The following IL13RA2 variants were observed in gnomAD, a reference collection of about 807,000 sequenced individuals.
IL13RA2 encodes the protein interleukin-13 receptor subunit alpha-2.
IL13RA2 carries 25 observed loss-of-function variants against 34.1 expected under a neutral mutation model. That is an observed-to-expected ratio of 0.73 (90% CI 0.53 to 1.03). IL13RA2 has a LOEUF of 1.03. IL13RA2 is among the 50% of genes least tolerant of loss of function. The pLI is 0.00. For synonymous variants in IL13RA2, 106 were observed against 100.4 expected (o/e 1.06, Z -0.33); for missense variants, 297 against 280.9 (o/e 1.06, Z -0.41).
At chrX:115,006,182 A>G (rs911116568) in intron 8 of IL13RA2, among the ~76,000 whole-genome samples, 1 of 112,276 alleles carries the variant, frequency 8.9e-6, no homozygotes, top group Non-Finnish European at 1.9e-5. Flanking sequence ...TGCAAAATTA[A>G]CAGTGGGAAG....
At chrX:115,009,181 G>T (rs182695081) in intron 7 of IL13RA2, among the ~76,000 whole-genome samples, 1 of 107,548 alleles carries the variant, frequency 9.3e-6, no homozygotes, top group Admixed American at 9.9e-5. Context: ...CCTGATGGTT[G>T]TTCCTCAATA....
Position 115,013,761 on chromosome X carries a change from A to G in IL13RA2, c.521+8T>C. On this transcript the variant is annotated splice_region_variant and intron_variant, in intron 5 of 9. Coordinates refer to ENST00000243213, the MANE Select transcript of IL13RA2 (RefSeq NM_000640.3). ...TTAATATGGAATTCTAATTATAAAA[A>G]TACTTACCAGTAAAACAAGTTGTAA... is the stretch of plus-strand genomic sequence containing the variant. The G allele has an allele frequency of 2.0e-6, 2 of 999,500 alleles. No homozygotes were observed. The highest frequency in any genetic ancestry group is 2.8e-6 in the Non-Finnish European group (2 of 712,543). 82.4% of individuals were successfully genotyped at this position (999,500 alleles called of 1,213,427 possible).
chrX:115,015,866 G>T lies in IL13RA2; in HGVS notation c.95-45C>A, dbSNP rs1556509867. 4.4e-6 allele frequency: 4 copies of T among 901,001 alleles called. No individual in the cohort carries two copies. In the Admixed American group the frequency reaches 1.0e-4, roughly 23 times the overall value. The allele number at this position is 901,001 out of a possible 1,213,427, so 74.3% of individuals were successfully genotyped here. A position where few individuals can be genotyped will look rare whatever the true frequency, so the allele number is the denominator to read the frequency against. ...CACTTTTATTTTTTCTGTATTTTAT[G>T]ACAAATATTGCTAAATCTAGATGGC... On this transcript the variant is annotated intron_variant, in intron 2 of 9. Coordinates refer to ENST00000243213, the MANE Select transcript of IL13RA2 (RefSeq NM_000640.3).
At chrX:115,004,905 T>C (rs1428681563) in intron 9 of IL13RA2, among the ~76,000 whole-genome samples, 1 of 112,527 alleles carries the variant, frequency 8.9e-6, no homozygotes, top group Non-Finnish European at 1.9e-5. Flanking sequence ...CCAATCCTGC[T>C]TTTCTCTTGT....
chrX:115,010,731 A>G lies in IL13RA2; in HGVS notation c.619T>C (p.Tyr207His). 1 of 1,019,332 alleles carries G rather than the reference A, an allele frequency of 9.8e-7. No individual in the cohort carries two copies. Among genetic ancestry groups the G allele is most frequent in the Non-Finnish European group, 1.4e-6 (1 of 724,636 alleles). The allele number at this position is 1,019,332 out of a possible 1,213,427, so 84.0% of individuals were successfully genotyped here. A position where few individuals can be genotyped will look rare whatever the true frequency, so the allele number is the denominator to read the frequency against. The change falls in exon 6 of 10, where the codon TAT becomes CAT. Residue 207 changes from tyrosine (Y) to histidine (H), a missense_variant. Physicochemically the swap from Tyr to His is moderately conservative, Grantham distance 83 (BLOSUM62 2). Coordinates refer to ENST00000243213, the MANE Select transcript of IL13RA2 (RefSeq NM_000640.3). Reference sequence around the variant, plus strand: ...TTAACACAAATATAGAAATCTTTATAGTCTGATGCCTCCAAATAGGGAAAT... The same window carrying G: ...TTAACACAAATATAGAAATCTTTATGGTCTGATGCCTCCAAATAGGGAAAT... ...CRFPYLEASD[Y>H]KDFYICVNGS... is the part of the protein sequence containing the mutation.
At chrX:115,008,126 T>G in intron 7 of IL13RA2, 50 bp from the exon 8 acceptor site, 33 of 816,830 alleles carry the variant, frequency 4.0e-5, no homozygotes, top group Non-Finnish European at 5.5e-5. Flanking sequence ...TAGTTGCAAC[T>G]AGACAGATTC....
At chrX:115,011,204 TAA>T (rs2071704740) in intron 5 of IL13RA2, among the ~76,000 whole-genome samples, 1 of 111,934 alleles carries the variant, frequency 8.9e-6, no homozygotes, top group African/African-American at 3.2e-5. Flanking sequence ...TATTGCCTTT[TAA>T]GTTATTTTAC....
At chrX:115,012,690 A>G (rs1401874423) in intron 5 of IL13RA2, among the ~76,000 whole-genome samples, 14 of 110,532 alleles carry the variant, frequency 1.3e-4, no homozygotes, top group Non-Finnish European at 2.6e-4. Context: ...GCTTGAACCC[A>G]GGAGGTGGAG....
intron 5 of IL13RA2, among the ~76,000 whole-genome samples, chrX:115,012,490 C>T (rs1253099668): frequency 2.7e-5 from 3 of 112,029 alleles, no homozygotes; most frequent in East Asian, 2.8e-4. Context: ...CAAGGCCAGG[C>T]GCAGTGGCTC....
intron 2 of IL13RA2, among the ~76,000 whole-genome samples, chrX:115,016,894 T>TA (rs2071730238): frequency 9.1e-6 from 1 of 110,261 alleles, no homozygotes; most frequent in Admixed American, 9.8e-5. Flanking sequence ...TTCAGATACT[T>TA]AATCTGTTAA....
chrX:115,011,711 A>G (rs1178828329), intron 5 of IL13RA2, among the ~76,000 whole-genome samples: 2 of 112,176 alleles, frequency 1.8e-5, no homozygotes, highest in African/African-American at 3.2e-5. Context: ...AGTTCACTTG[A>G]TTAGAGTTTG....
Position 115,014,523 on chromosome X carries a change from C to A in IL13RA2, c.298G>T (p.Gly100Cys). ...AGCGTGTGTATCTTCGCTTCAATGC[C>A]CTTGTTAAGATCAAACCCATCTTTG... ...HYKDGFDLNK[G>C]IEAKIHTLLP... Residue 100 changes from glycine to cysteine, a missense_variant, in exon 4 of 10, where the codon GGC becomes TGC. Gly to Cys is a radical substitution (Grantham distance 159). Transcript: ENST00000243213. 1 of 1,187,800 alleles carries A rather than the reference C, an allele frequency of 8.4e-7. No individual in the cohort carries two copies. Among genetic ancestry groups the A allele is most frequent in the Non-Finnish European group, 1.1e-6 (1 of 877,113 alleles).
At position 115,008,050 on chromosome X, in the gene IL13RA2, G is replaced by A. The variant is rs781965323; in HGVS notation, c.879C>T (p.Tyr293=). The change falls in exon 8 of 10, where the codon TAC becomes TAT. Residue 293 remains tyrosine, a synonymous_variant. Transcript: ENST00000243213. ...LVTATVENET[Y]TLKTTNETRQ... ...GGGTTTCATTTGTTGTTTTCAAGGTGTATGTTTCATTTTCAACTGTAGCAG... is the reference window on the plus strand; with the variant it reads ...GGGTTTCATTTGTTGTTTTCAAGGTATATGTTTCATTTTCAACTGTAGCAG... 9 of 1,163,828 alleles carry A rather than the reference G, an allele frequency of 7.7e-6. No homozygotes were observed. In the South Asian group the frequency reaches 1.6e-4, roughly 21 times the overall value.
intron 8 of IL13RA2, among the ~76,000 whole-genome samples, 185 bp from the exon 9 acceptor site, chrX:115,005,500 A>G (rs1428038803): frequency 8.9e-6 from 1 of 112,704 alleles, no homozygotes; most frequent in Non-Finnish European, 1.9e-5. Context: ...ATTTTTATAT[A>G]GAAAAGTACT....
chrX:115,005,512 T>A, intron 8 of IL13RA2, among the ~76,000 whole-genome samples, 197 bp from the exon 9 acceptor site: 1 of 112,660 alleles, frequency 8.9e-6, no homozygotes, highest in Non-Finnish European at 1.9e-5. Context: ...AAAAGTACTT[T>A]ACTGAACTGT....
chrX:115,012,427 A>G (rs1556508865), intron 5 of IL13RA2, among the ~76,000 whole-genome samples: 3 of 111,348 alleles, frequency 2.7e-5, no homozygotes. Context: ...ATGAGAAAAA[A>G]TTTAAATGCC....
At chrX:115,014,077 CAT>C (rs782304349) in intron 4 of IL13RA2, among the ~76,000 whole-genome samples, 188 bp from the exon 5 acceptor site, 26 of 111,888 alleles carry the variant, frequency 2.3e-4, no homozygotes, top group Non-Finnish European at 3.8e-4. Context: ...AACCAAAAAA[CAT>C]TTGAGGGCTC....
chrX:115,013,740 T>C (rs781921658), intron 5 of IL13RA2, 29 bp downstream of exon 5: 2 of 831,153 alleles, frequency 2.4e-6, no homozygotes, highest in East Asian at 3.2e-5. Flanking sequence ...CATTTTTTAA[T>C]ATGGAATTCT....
chrX:115,010,707 T>G lies in IL13RA2; in HGVS notation c.643A>C (p.Asn215His). 9.7e-7 allele frequency: 1 copy of G among 1,028,206 alleles called. No homozygotes were observed. The highest frequency in any genetic ancestry group is 1.4e-6 in the Non-Finnish European group (1 of 735,001). 84.7% of individuals were successfully genotyped at this position (1,028,206 alleles called of 1,213,427 possible). A position where few individuals can be genotyped will look rare whatever the true frequency, so the allele number is the denominator to read the frequency against. The change falls in exon 6 of 10, where the codon AAT becomes CAT. Residue 215 changes from asparagine (N) to histidine (H), a missense_variant. Coordinates refer to ENST00000243213, the MANE Select transcript of IL13RA2 (RefSeq NM_000640.3). ...SDYKDFYICV[N>H]GSSENKPIRS... is the part of the protein sequence containing the mutation. ...ATAGGCTTGTTCTCTGATGATCCAT[T>G]AACACAAATATAGAAATCTTTATAG...
Sources: allele counts gnomAD v4.1 joint callset (sites outside exome capture counted in the v4.1 genomes callset), GRCh38; gene constraint gnomAD v4.1.1; transcripts MANE v1.5; gene names NCBI Gene and HGNC (gene_info 2026-07-23, HGNC 2026-07-21).